Variants in NELL2 observed in about 807,000 individuals in gnomAD.
NELL2 encodes protein kinase C-binding protein NELL2.
NELL2 carries 41 observed loss-of-function variants against 109.6 expected under a neutral mutation model. That is an observed-to-expected ratio of 0.37 (90% CI 0.29 to 0.49). The LOEUF (loss-of-function observed/expected upper bound fraction) is 0.49. Among genes scored for constraint, NELL2 ranks in the 20% least tolerant of loss-of-function variants. The pLI is 0.98. For synonymous variants in NELL2, 355 were observed against 344.7 expected, an observed-to-expected ratio of 1.03 and a Z score of -0.33; for missense variants, 900 against 1,008.3, an observed-to-expected ratio of 0.89 and a Z score of 1.45.
intron 15 of NELL2, among the ~76,000 whole-genome samples, chr12:44,583,498 A>T (rs1157317628): frequency 6.6e-6 from 1 of 152,186 alleles, no homozygotes; most frequent in Non-Finnish European, 1.5e-5. Flanking sequence ...CATCTTACAC[A>T]CTGATAAATG....
chr12:44,584,672 G>A (rs1438457094), intron 15 of NELL2, among the ~76,000 whole-genome samples: 1 of 152,100 alleles, frequency 6.6e-6, no homozygotes, highest in Non-Finnish European at 1.5e-5. Context: ...TATCTCAGTA[G>A]GCAACTTGTT....
chr12:44,514,560 G>A (rs1941164498), intron 19 of NELL2, among the ~76,000 whole-genome samples: 1 of 142,514 alleles, frequency 7.0e-6, no homozygotes, highest in African/African-American at 3.0e-5. Flanking sequence ...ATCTCTTACT[G>A]TGCCAACTTA....
At chr12:44,636,053 A>G (rs1346726945) in intron 13 of NELL2, among the ~76,000 whole-genome samples, 1 of 152,074 alleles carries the variant, frequency 6.6e-6, no homozygotes, top group African/African-American at 2.4e-5. Flanking sequence ...GCAATTGTGA[A>G]TGGGAGTTCA....
intron 1 of NELL2, among the ~76,000 whole-genome samples, chr12:44,882,525 C>T (rs1945426030): frequency 1.3e-5 from 2 of 151,312 alleles, no homozygotes; most frequent in Non-Finnish European, 2.9e-5. Context: ...CGCACACATA[C>T]ATATATATCC....
rs1203110896 is a variant in NELL2 at position 44,816,136 on chromosome 12, T to C, written c.185A>G (p.Asp62Gly). The C allele has an allele frequency of 1.5e-5, 24 of 1,584,016 alleles. No individual in the cohort carries two copies. The highest frequency in any genetic ancestry group is 1.8e-5 in the Non-Finnish European group (21 of 1,169,874). ...GGATGCTTTTATGCTTCTGGGAGTA[T>C]CTAAAAAAGAAACAAACATATACTA... Reference protein sequence around the residue: ...HNGTKAFLFQDTPRSIKASTA... With the variant: ...HNGTKAFLFQGTPRSIKASTA... Residue 62 changes from aspartate (D) to glycine (G), a missense_variant and splice_region_variant, in exon 3 of 20, where the codon GAT becomes GGT. Coordinates refer to ENST00000429094, the MANE Select transcript of NELL2 (RefSeq NM_001145108.2).
At position 44,772,843 on chromosome 12, in the gene NELL2, A is replaced by G. The variant is rs569440495; in HGVS notation, c.994+1904T>C. On this transcript the variant is annotated intron_variant, in intron 9 of 19. Coordinates refer to ENST00000429094, the MANE Select transcript of NELL2 (RefSeq NM_001145108.2). ...TGATCACTCACTTCCAGCTTTAACT[A>G]TTTTCTATATGAAGCAAACAGTTGG... Among the ~76,000 whole-genome samples, 14 of 151,786 alleles carry G rather than the reference A, an allele frequency of 9.2e-5. No individual in the cohort carries two copies. In the South Asian group the frequency reaches 1.9e-3, roughly 20 times the overall value.
chr12:44,612,353 A>G (rs1945651312), intron 13 of NELL2, among the ~76,000 whole-genome samples: 1 of 152,012 alleles, frequency 6.6e-6, no homozygotes, highest in South Asian at 2.1e-4. Context: ...ATTCTTAGAG[A>G]TTATTCCCAA....
Position 44,564,443 on chromosome 12 carries a change from T to C in NELL2, c.1664-31722A>G, listed in dbSNP as rs990617093. Among the ~76,000 whole-genome samples, 9 of 152,330 alleles carry C rather than the reference T, an allele frequency of 5.9e-5. No homozygotes were observed. The East Asian group carries it at 1.7e-3, about 29-fold the overall frequency. On this transcript the variant is annotated intron_variant, in intron 15 of 19. Transcript: ENST00000429094. ...TGACTATTTCTGTTTTCAGTATTTA[T>C]ATAGTATCCTCAAGAAAGTGTAGCA...
chr12:44,595,743 T>C (rs1944937302), intron 15 of NELL2, among the ~76,000 whole-genome samples: 1 of 152,000 alleles, frequency 6.6e-6, no homozygotes, highest in Non-Finnish European at 1.5e-5. Context: ...GCCTGGCCCC[T>C]TTAACTTGTT....
chr12:44,798,682 A>G (rs1942717846), intron 3 of NELL2, among the ~76,000 whole-genome samples: 1 of 152,154 alleles, frequency 6.6e-6, no homozygotes, highest in Admixed American at 6.5e-5. Context: ...ATCTTGAAAA[A>G]AGCAAAATTT....
intron 15 of NELL2, among the ~76,000 whole-genome samples, chr12:44,572,618 T>C (rs1016993128): frequency 1.4e-5 from 1 of 72,992 alleles, no homozygotes; most frequent in Non-Finnish European, 3.7e-5. Flanking sequence ...TGATTTTGAA[T>C]CTGTTTGTAT....
At chr12:44,685,685 T>G (rs556630393) in intron 12 of NELL2, among the ~76,000 whole-genome samples, 46 of 152,258 alleles carry the variant, frequency 3.0e-4, no homozygotes, top group East Asian at 5.8e-4. Context: ...AGCTTAGTTT[T>G]GCTGGATATG....
intron 2 of NELL2, among the ~76,000 whole-genome samples, chr12:44,829,430 A>T (rs1265862025): frequency 1.3e-5 from 2 of 152,168 alleles, no homozygotes; most frequent in Non-Finnish European, 2.9e-5. Flanking sequence ...CCCAAACTGA[A>T]TGCCTGCAAT....
At chr12:44,891,010 G>T (rs79084667) in intron 1 of NELL2, among the ~76,000 whole-genome samples, 1 of 152,142 alleles carries the variant, frequency 6.6e-6, no homozygotes. Flanking sequence ...GACTACAGGC[G>T]TAAGCCACCG....
At chr12:44,853,836 A>G (rs531682039) in intron 2 of NELL2, among the ~76,000 whole-genome samples, 1 of 152,324 alleles carries the variant, frequency 6.6e-6, no homozygotes, top group East Asian at 1.9e-4. Flanking sequence ...AGAAGAATAC[A>G]TCAGTGAAGG....
intron 15 of NELL2, among the ~76,000 whole-genome samples, chr12:44,588,459 G>A (rs1175004575): frequency 5.3e-5 from 8 of 151,860 alleles, no homozygotes; most frequent in Non-Finnish European, 1.2e-4. Flanking sequence ...CCAAAATGAC[G>A]TCCACTGGCT....
chr12:44,617,986 A>T (rs965765013), intron 13 of NELL2, among the ~76,000 whole-genome samples: 2 of 152,084 alleles, frequency 1.3e-5, no homozygotes, highest in Non-Finnish European at 2.9e-5. Flanking sequence ...ACTTTCAATG[A>T]TTACATCAGG....
intron 12 of NELL2, among the ~76,000 whole-genome samples, chr12:44,673,258 G>A (rs935262409): frequency 2.0e-5 from 3 of 152,122 alleles, no homozygotes; most frequent in Non-Finnish European, 2.9e-5. Flanking sequence ...GCATAAAAAT[G>A]GCATGACTAA....
At chr12:44,557,268 A>G (rs1943291654) in intron 15 of NELL2, among the ~76,000 whole-genome samples, 2 of 152,176 alleles carry the variant, frequency 1.3e-5, no homozygotes, top group Admixed American at 1.3e-4. Context: ...TCACCAAGGG[A>G]CCACTGCTCC....
Sources: gnomAD v4.1 joint callset for allele counts (sites outside exome capture counted in the v4.1 genomes callset) on GRCh38, gnomAD v4.1.1 for gene constraint, MANE v1.5 for transcripts, NCBI Gene and HGNC (gene_info 2026-07-23, HGNC 2026-07-21) for gene names.